HEPH: variants seen among roughly 807,000 people sequenced by gnomAD.
HEPH encodes the protein hephaestin.
A neutral mutation model predicts 80.8 loss-of-function variants in HEPH; 69 were observed. The ratio of observed to expected loss-of-function variants is 0.85; its 90% confidence interval spans 0.70 to 1.04. HEPH has a LOEUF of 1.04. Among genes scored for constraint, HEPH ranks in the 50% least tolerant of loss-of-function variants. The probability of loss-of-function intolerance (pLI) is 0.00; values close to 1 mark genes in which losing one functional copy is unlikely to be tolerated. For missense variants in HEPH, 1,115 were observed against 891.3 expected (o/e 1.25, Z -3.20); for synonymous variants, 431 against 322.8 (o/e 1.34, Z -3.60).
intron 14 of HEPH, among the ~76,000 whole-genome samples, chrX:66,207,751 A>G (rs2088870646): frequency 1.8e-5 from 2 of 111,890 alleles, no homozygotes; most frequent in Non-Finnish European, 3.8e-5. Flanking sequence ...TGACTCCTAA[A>G]GAGATCCTCT....
intron 15 of HEPH, among the ~76,000 whole-genome samples, chrX:66,224,759 G>T (rs772601932): frequency 2.7e-5 from 3 of 110,996 alleles, no homozygotes; most frequent in Non-Finnish European, 5.7e-5. Context: ...CCAATTATAG[G>T]TTTTTAATTT....
At chrX:66,203,664 A>G (rs1225836782) in intron 13 of HEPH, 87 bp downstream of exon 13, 1 of 791,401 alleles carries the variant, frequency 1.3e-6, no homozygotes, top group Non-Finnish European at 1.8e-6. Context: ...GGAGACTCTT[A>G]TCTCAGGTCT....
intron 12 of HEPH, among the ~76,000 whole-genome samples, chrX:66,202,912 C>CATAT (rs759619010): frequency 0.038 from 3,111 of 81,619 alleles, 132 homozygotes; most frequent in African/African-American, 0.11. Flanking sequence ...TTTATGTGTG[C>CATAT]ATATATATAT....
intron 4 of HEPH, among the ~76,000 whole-genome samples, chrX:66,174,700 A>G (rs1355014472): frequency 9.0e-6 from 1 of 111,017 alleles, no homozygotes; most frequent in Non-Finnish European, 1.9e-5. Flanking sequence ...TTTTTTGATT[A>G]TGGTCATTCT....
intron 7 of HEPH, among the ~76,000 whole-genome samples, chrX:66,192,993 G>T (rs1247419082): frequency 1.8e-5 from 2 of 111,180 alleles, no homozygotes; most frequent in Non-Finnish European, 3.8e-5. Flanking sequence ...TATACTTCTA[G>T]CAGGAAATAA....
chrX:66,174,626 A>G (rs61264194), intron 4 of HEPH, among the ~76,000 whole-genome samples: 43,476 of 110,905 alleles, frequency 0.39, 9,630 homozygotes, highest in African/African-American at 0.86. Context: ...ATTCCCACCA[A>G]CAGTGTAAAA....
chrX:66,179,085 C>T (rs1321695290), intron 4 of HEPH, among the ~76,000 whole-genome samples: 1 of 111,901 alleles, frequency 8.9e-6, no homozygotes, highest in Admixed American at 9.5e-5. Flanking sequence ...TTAGATCTAA[C>T]ATTTAAGTCT....
intron 15 of HEPH, among the ~76,000 whole-genome samples, chrX:66,212,785 T>C (rs1172700037): frequency 9.0e-6 from 1 of 111,058 alleles, no homozygotes; most frequent in Non-Finnish European, 1.9e-5. Flanking sequence ...TATTTGTTTA[T>C]GGCTCAGGAC....
At chrX:66,211,680 T>C (rs1286158714) in intron 15 of HEPH, among the ~76,000 whole-genome samples, 2 of 112,097 alleles carry the variant, frequency 1.8e-5, no homozygotes, top group African/African-American at 3.2e-5. Flanking sequence ...TTCATTCTTT[T>C]TTATGGCTGA....
Position 66,258,914 on chromosome X carries a change from C to T in HEPH, c.2971C>T (p.Leu991=). 3 of 1,174,950 alleles carry T rather than the reference C, an allele frequency of 2.6e-6. No individual in the cohort carries two copies. Among genetic ancestry groups the T allele is most frequent in the Non-Finnish European group, 2.3e-6 (2 of 875,975 alleles). The change falls in exon 18 of 21, where the codon CTG becomes TTG. Residue 991 remains leucine, a synonymous_variant. Transcript: ENST00000343002. ...AGGAGAACGAGTGGCCTGGTACATG[C>T]TGGCCATGGGCCAAGATGTGGATCT... is the stretch of plus-strand genomic sequence containing the variant. ...YQGERVAWYM[L]AMGQDVDLHT... is the part of the protein sequence containing the mutation.
intron 15 of HEPH, among the ~76,000 whole-genome samples, chrX:66,240,278 C>T (rs191108843): frequency 4.5e-5 from 5 of 110,519 alleles, no homozygotes; most frequent in African/African-American, 9.8e-5. Context: ...AAAGATATGT[C>T]GATAAAACTC....
chrX:66,264,852 A>G (rs190395374), intron 20 of HEPH, among the ~76,000 whole-genome samples: 5 of 106,045 alleles, frequency 4.7e-5, no homozygotes, highest in Non-Finnish European at 7.7e-5. Context: ...TAAATATTTT[A>G]TATATTTTAA....
chrX:66,180,638 T>C (rs1460838812), intron 4 of HEPH, among the ~76,000 whole-genome samples: 2 of 88,989 alleles, frequency 2.2e-5, no homozygotes, highest in Non-Finnish European at 4.2e-5. Flanking sequence ...TTTTTTTTTT[T>C]TTCACAGCTG....
chrX:66,179,002 A>G (rs185877696), intron 4 of HEPH, among the ~76,000 whole-genome samples: 1 of 111,761 alleles, frequency 8.9e-6, no homozygotes, highest in African/African-American at 3.2e-5. Context: ...TTGGTGTTTT[A>G]GACATGAAGT....
At chrX:66,169,980 T>C (rs2086520425) in intron 1 of HEPH, 1 of 112,321 alleles carries the variant, frequency 8.9e-6, no homozygotes, top group Non-Finnish European at 1.9e-5. Context: ...AGTTTGTTCA[T>C]TATTATTGCT....
At chrX:66,257,357 G>C (rs919944613) in intron 17 of HEPH, among the ~76,000 whole-genome samples, 5 of 111,742 alleles carry the variant, frequency 4.5e-5, no homozygotes, top group Admixed American at 9.5e-5. Flanking sequence ...CGATCGAGCA[G>C]GTATTTGTTA....
chrX:66,197,600 T>A (rs2088171923), intron 9 of HEPH, 83 bp from the exon 10 acceptor site: 1 of 836,742 alleles, frequency 1.2e-6, no homozygotes, highest in Non-Finnish European at 1.8e-6. Context: ...GCCTTTGTAG[T>A]TCATAATCTT....
At chrX:66,230,627 G>GT (rs1381499343) in intron 15 of HEPH, among the ~76,000 whole-genome samples, 2 of 97,616 alleles carry the variant, frequency 2.0e-5, no homozygotes, top group Non-Finnish European at 4.1e-5. Context: ...GGGGTTGTTT[G>GT]TTTTTTTCTT....
At chrX:66,251,840 G>T (rs750862464) in intron 15 of HEPH, among the ~76,000 whole-genome samples, 1 of 112,090 alleles carries the variant, frequency 8.9e-6, no homozygotes, top group Non-Finnish European at 1.9e-5. Context: ...TAGATATAAA[G>T]AATGATAAGT....
Sources: allele counts gnomAD v4.1 joint callset (sites outside exome capture counted in the v4.1 genomes callset), GRCh38; gene constraint gnomAD v4.1.1; transcripts MANE v1.5; gene names NCBI Gene and HGNC (gene_info 2026-07-23, HGNC 2026-07-21).